Variants in CNTNAP2 observed in about 807,000 individuals in gnomAD.
The protein encoded by CNTNAP2 is contactin associated protein 2.
In CNTNAP2, 98 loss-of-function variants were observed where a neutral mutation model predicts 155.2. That is an observed-to-expected ratio of 0.63 (90% confidence interval 0.54 to 0.75). The LOEUF is 0.75. CNTNAP2 is among the 30% of genes least tolerant of loss of function. The pLI is 0.00. For missense variants in CNTNAP2, 1,727 were observed against 1,688.1 expected, an observed-to-expected ratio of 1.02 and a Z score of -0.40; for synonymous variants, 651 against 631.2, an observed-to-expected ratio of 1.03 and a Z score of -0.47.
chr7:148,285,367 T>C (rs780290689), intron 21 of CNTNAP2, among the ~76,000 whole-genome samples: 1 of 152,284 alleles, frequency 6.6e-6, no homozygotes, highest in Non-Finnish European at 1.5e-5. Context: ...TTACTCCATC[T>C]TTATTGACTG....
intron 1 of CNTNAP2, among the ~76,000 whole-genome samples, chr7:146,185,977 G>A (rs1361470648): frequency 1.3e-5 from 2 of 151,900 alleles, no homozygotes; most frequent in Admixed American, 6.6e-5. Flanking sequence ...TTTATGTAAT[G>A]TATCATACCG....
intron 1 of CNTNAP2, among the ~76,000 whole-genome samples, chr7:146,286,066 C>T (rs957536288): frequency 8.1e-6 from 1 of 123,650 alleles, no homozygotes; most frequent in African/African-American, 3.2e-5. Context: ...GTTGAAGTTT[C>T]CCAGGCAGTT....
chr7:147,253,214 T>G (rs999403871), intron 8 of CNTNAP2, among the ~76,000 whole-genome samples: 2 of 152,086 alleles, frequency 1.3e-5, no homozygotes, highest in Non-Finnish European at 2.9e-5. Flanking sequence ...TTGAACCTTA[T>G]CCACTAGATT....
intron 3 of CNTNAP2, among the ~76,000 whole-genome samples, chr7:146,982,140 G>C (rs1278800930): frequency 6.6e-6 from 1 of 152,002 alleles, no homozygotes; most frequent in African/African-American, 2.4e-5. Context: ...TGGTGGGCTG[G>C]TTTGGCCCAT....
intron 13 of CNTNAP2, among the ~76,000 whole-genome samples, chr7:147,848,342 T>G (rs1391856934): frequency 2.0e-5 from 3 of 150,488 alleles, no homozygotes; most frequent in South Asian, 2.1e-4. Flanking sequence ...AATATTCGGG[T>G]GGGAGTGACC....
intron 3 of CNTNAP2, among the ~76,000 whole-genome samples, chr7:146,923,024 AG>A (rs1285679904): frequency 3.3e-5 from 5 of 152,222 alleles, no homozygotes; most frequent in Non-Finnish European, 7.3e-5. Flanking sequence ...TAGCTGATGT[AG>A]AAGGGTCTAG....
At chr7:146,505,756 T>A (rs1194162923) in intron 1 of CNTNAP2, among the ~76,000 whole-genome samples, 2 of 152,152 alleles carry the variant, frequency 1.3e-5, no homozygotes, top group Non-Finnish European at 2.9e-5. Context: ...CAACAACAGA[T>A]TACCATTGTC....
At chr7:147,547,212 TC>T in intron 11 of CNTNAP2, among the ~76,000 whole-genome samples, 1 of 152,180 alleles carries the variant, frequency 6.6e-6, no homozygotes, top group Non-Finnish European at 1.5e-5. Flanking sequence ...TAAGTGATAA[TC>T]CCTGTATTAC....
intron 15 of CNTNAP2, among the ~76,000 whole-genome samples, chr7:148,092,122 A>C (rs1312094032): frequency 6.6e-6 from 1 of 152,218 alleles, no homozygotes; most frequent in Non-Finnish European, 1.5e-5. Flanking sequence ...AAGCAGAGAA[A>C]GCTTGCATAA....
At chr7:146,731,719 T>G (rs2129179518) in intron 1 of CNTNAP2, among the ~76,000 whole-genome samples, 1 of 152,310 alleles carries the variant, frequency 6.6e-6, no homozygotes, top group Non-Finnish European at 1.5e-5. Flanking sequence ...TTTTAACGTA[T>G]AAAATTATTT....
intron 10 of CNTNAP2, among the ~76,000 whole-genome samples, chr7:147,407,361 G>A (rs987572660): frequency 3.3e-5 from 5 of 150,794 alleles, no homozygotes; most frequent in East Asian, 2.0e-4. Flanking sequence ...CCAGCTACTC[G>A]GGAGGCTGAG....
intron 16 of CNTNAP2, among the ~76,000 whole-genome samples, chr7:148,124,558 A>G (rs1276451235): frequency 6.6e-6 from 1 of 152,178 alleles, no homozygotes; most frequent in Non-Finnish European, 1.5e-5. Flanking sequence ...AGGTGGAAAC[A>G]GGAGAACCCA....
At chr7:147,527,927 A>G (rs1799355885) in intron 11 of CNTNAP2, among the ~76,000 whole-genome samples, 1 of 152,170 alleles carries the variant, frequency 6.6e-6, no homozygotes, top group African/African-American at 2.4e-5. Context: ...CAAACAAACA[A>G]AAAAAGTGCA....
intron 4 of CNTNAP2, among the ~76,000 whole-genome samples, chr7:147,054,150 A>T (rs1473064424): frequency 6.6e-6 from 1 of 152,166 alleles, no homozygotes; most frequent in Non-Finnish European, 1.5e-5. Context: ...GTGATGGCCT[A>T]CAGAAAATAC....
intron 8 of CNTNAP2, among the ~76,000 whole-genome samples, chr7:147,228,421 G>C (rs1221375942): frequency 6.6e-6 from 1 of 152,160 alleles, no homozygotes; most frequent in Non-Finnish European, 1.5e-5. Context: ...GAAGGGGAAA[G>C]GGGCTATAAG....
intron 3 of CNTNAP2, among the ~76,000 whole-genome samples, chr7:146,851,493 A>T (rs1365970847): frequency 2.0e-5 from 3 of 151,768 alleles, no homozygotes; most frequent in African/African-American, 7.3e-5. Flanking sequence ...ACAGAAATTT[A>T]CTCTCTCACA....
chr7:147,734,886 G>C (rs1211336566), intron 13 of CNTNAP2, among the ~76,000 whole-genome samples: 2 of 151,910 alleles, frequency 1.3e-5, no homozygotes, highest in African/African-American at 4.8e-5. Context: ...TTTTTATTGT[G>C]TCTATTTGAT....
intron 14 of CNTNAP2, among the ~76,000 whole-genome samples, chr7:147,925,202 G>A (rs1050957140): frequency 6.7e-6 from 1 of 148,550 alleles, no homozygotes; most frequent in African/African-American, 2.5e-5. Context: ...AAGGAAGGAA[G>A]GAAGGAAAGA....
At chr7:146,713,582 A>G (rs1563199873) in intron 1 of CNTNAP2, among the ~76,000 whole-genome samples, 1 of 152,176 alleles carries the variant, frequency 6.6e-6, no homozygotes, top group East Asian at 1.9e-4. Flanking sequence ...GTTGCTATGT[A>G]TCTCTATTCT....
Sources: allele counts gnomAD v4.1 joint callset (sites outside exome capture counted in the v4.1 genomes callset), GRCh38; gene constraint gnomAD v4.1.1; transcripts MANE v1.5; gene names NCBI Gene and HGNC (gene_info 2026-07-23, HGNC 2026-07-21).